UGT1A6: variants seen among roughly 807,000 people sequenced by gnomAD.
UGT1A6 encodes the protein UDP-glucuronosyltransferase 1A6.
Under a neutral mutation model 44.4 loss-of-function variants are expected in UGT1A6, and 32 were observed. The observed-to-expected ratio is 0.72, with a 90% CI of 0.54 to 0.97. The LOEUF is 0.97. Ranked by LOEUF, UGT1A6 falls within the 50% of genes least tolerant of loss-of-function variation. The pLI, the probability that UGT1A6 is intolerant of heterozygous loss-of-function variation, is 0.00. For missense variants in UGT1A6, 685 were observed against 661.9 expected (o/e 1.03, Z -0.38); for synonymous variants, 238 against 248.5 (o/e 0.96, Z 0.40).
At chr2:233,712,952 A>G (rs1036580894) in intron 1 of UGT1A6, 10 of 1,612,796 alleles carry the variant, frequency 6.2e-6, no homozygotes, top group Non-Finnish European at 7.6e-6. Flanking sequence ...AGGAGGCACA[A>G]CGTGGGGTGG....
intron 1 of UGT1A6, chr2:233,719,815 A>G: frequency 6.3e-7 from 1 of 1,582,596 alleles, no homozygotes; most frequent in Non-Finnish European, 8.6e-7. Context: ...TTTATAACAG[A>G]TAAACTGTTG....
At chr2:233,752,746 AAAACAAACAAAC>A (rs200752387) in intron 1 of UGT1A6, among the ~76,000 whole-genome samples, 1 of 152,190 alleles carries the variant, frequency 6.6e-6, no homozygotes, top group East Asian at 1.9e-4. Flanking sequence ...CCCTGTCTCT[AAAACAAACAAAC>A]AAACAAACAA....
chr2:233,719,465 C>G (rs1204222582), intron 1 of UGT1A6: 1 of 1,613,994 alleles, frequency 6.2e-7, no homozygotes. Context: ...AGAACATGCT[C>G]TACCCTCTGG....
In UGT1A6 at chr2:233,739,290, C is replaced by A. The variant is rs1363558012; in HGVS notation, c.862-27744C>A. On this transcript the variant is annotated intron_variant, in intron 1 of 4. Transcript: ENST00000305139. ...TTGGAGCCCCCACACAGAGTCTCCACTGGGGCACTGCCTAGTGGAGTTGTG... is the reference window on the plus strand; with the variant it reads ...TTGGAGCCCCCACACAGAGTCTCCAATGGGGCACTGCCTAGTGGAGTTGTG... Among the ~76,000 whole-genome samples, 3 of 152,214 alleles carry A rather than the reference C, an allele frequency of 2.0e-5. No homozygotes were observed. In the East Asian group the frequency reaches 5.8e-4, roughly 29 times the overall value.
intron 1 of UGT1A6, among the ~76,000 whole-genome samples, chr2:233,738,666 G>A (rs919948655): frequency 6.6e-6 from 1 of 152,198 alleles, no homozygotes; most frequent in Non-Finnish European, 1.5e-5. Flanking sequence ...GAACTTGAGA[G>A]AGATGATCTG....
chr2:233,743,498 G>A (rs1452384888), intron 1 of UGT1A6: 3 of 1,367,176 alleles, frequency 2.2e-6, no homozygotes, highest in Middle Eastern at 2.1e-4. Context: ...GCAGAGAAAA[G>A]GGGTGCAGAC....
chr2:233,692,797 C>T (rs925616937), upstream of UGT1A6: 53 of 1,378,306 alleles, frequency 3.8e-5, no homozygotes, highest in Middle Eastern at 2.7e-4. Flanking sequence ...AAAGCTGACA[C>T]GGCCATAGTT....
At chr2:233,748,178 G>T (rs1693885819) in intron 1 of UGT1A6, 1 of 1,580,774 alleles carries the variant, frequency 6.3e-7, no homozygotes, top group Non-Finnish European at 8.6e-7. Context: ...TATCTTTCTG[G>T]TGCTTTTATT....
intron 1 of UGT1A6, among the ~76,000 whole-genome samples, chr2:233,716,476 C>T: frequency 6.6e-6 from 1 of 152,028 alleles, no homozygotes; most frequent in Non-Finnish European, 1.5e-5. Flanking sequence ...TGTTTCTGTC[C>T]TCCGTAGTCT....
intron 1 of UGT1A6, among the ~76,000 whole-genome samples, chr2:233,757,676 T>A (rs986940319): frequency 2.0e-5 from 3 of 151,088 alleles, no homozygotes; most frequent in African/African-American, 7.3e-5. Flanking sequence ...ATTCAAGGAA[T>A]TCAAGGGATT....
chr2:233,732,709 C>A (rs540969589), intron 1 of UGT1A6, among the ~76,000 whole-genome samples: 5 of 150,878 alleles, frequency 3.3e-5, no homozygotes, highest in Non-Finnish European at 7.4e-5. Flanking sequence ...GTTACTGTAG[C>A]CTTGTAGTAC....
chr2:233,691,772 C>T (rs2075056537), upstream of UGT1A6: 2 of 348,666 alleles, frequency 5.7e-6, no homozygotes, highest in Non-Finnish European at 8.1e-6. Context: ...CTAGGATTCT[C>T]ACCACGTACT....
intron 1 of UGT1A6, among the ~76,000 whole-genome samples, chr2:233,706,423 C>T (rs571614234): frequency 6.6e-6 from 1 of 152,376 alleles, no homozygotes; most frequent in African/African-American, 2.4e-5. Flanking sequence ...CGTGGTCTTT[C>T]AGCCACAGAC....
chr2:233,696,178 A>G (rs2075330295), intron 1 of UGT1A6, among the ~76,000 whole-genome samples: 1 of 152,242 alleles, frequency 6.6e-6, no homozygotes. Flanking sequence ...ATATATATTG[A>G]AGAGCTATCT....
intron 1 of UGT1A6, chr2:233,729,268 T>G (rs760988573): frequency 3.1e-5 from 50 of 1,613,984 alleles, no homozygotes; most frequent in Non-Finnish European, 3.5e-5. Context: ...GCGGGAGGTC[T>G]TGCGGGAGCT....
intron 1 of UGT1A6, chr2:233,761,159 T>C: frequency 6.2e-7 from 1 of 1,614,228 alleles, no homozygotes; most frequent in Non-Finnish European, 8.5e-7. Flanking sequence ...CAGGTGTGTA[T>C]TGGAGTGGGA....
At chr2:233,768,015 A>T in intron 3 of UGT1A6, 79 bp downstream of exon 3, 4 of 1,613,904 alleles carry the variant, frequency 2.5e-6, no homozygotes, top group Non-Finnish European at 3.4e-6. Context: ...ATTCTAAAGG[A>T]TTGTTGAGCT....
intron 1 of UGT1A6, among the ~76,000 whole-genome samples, chr2:233,698,550 C>A (rs1019972453): frequency 5.3e-5 from 8 of 152,128 alleles, no homozygotes; most frequent in Non-Finnish European, 1.0e-4. Flanking sequence ...GAGTGGCCAA[C>A]AAAACTTTAA....
chr2:233,742,808 G>A (rs1235624978), intron 1 of UGT1A6: 1 of 153,400 alleles, frequency 6.5e-6, no homozygotes, highest in Non-Finnish European at 1.4e-5. Flanking sequence ...CAGAAGTATT[G>A]ATATTATTTG....
Sources: gnomAD v4.1 joint callset for allele counts (sites outside exome capture counted in the v4.1 genomes callset) on GRCh38, gnomAD v4.1.1 for gene constraint, MANE v1.5 for transcripts, NCBI Gene and HGNC (gene_info 2026-07-23, HGNC 2026-07-21) for gene names.